The following COA1 variants were observed in gnomAD, a reference collection of about 807,000 sequenced individuals.
The protein encoded by COA1 is cytochrome c oxidase assembly factor 1 homolog.
A neutral mutation model predicts 16.0 loss-of-function variants in COA1; 13 were observed. The ratio of observed to expected loss-of-function variants is 0.81; its 90% CI spans 0.53 to 1.29. The LOEUF is 1.29. COA1 is among the 50% of genes most tolerant of loss of function. The pLI, the probability that COA1 is intolerant of heterozygous loss-of-function variation, is 0.00. For synonymous variants in COA1, 65 were observed against 65.7 expected (o/e 0.99, Z 0.05); for missense variants, 179 against 177.0 (o/e 1.01, Z -0.06).
intron 1 of COA1, among the ~76,000 whole-genome samples, chr7:43,712,120 C>CT (rs567779864): frequency 0.015 from 2,169 of 149,288 alleles, 29 homozygotes; most frequent in South Asian, 0.027. Context: ...GAAAAAGAAA[C>CT]TTTTTTTTTT....
At chr7:43,634,190 G>T (rs1418333426) in intron 6 of COA1, among the ~76,000 whole-genome samples, 1 of 151,882 alleles carries the variant, frequency 6.6e-6, no homozygotes, top group East Asian at 1.9e-4. Flanking sequence ...CTTGGTGTTG[G>T]TGTCTGTTAA....
intron 1 of COA1, among the ~76,000 whole-genome samples, chr7:43,691,928 G>C (rs543601303): frequency 6.6e-6 from 1 of 152,174 alleles, no homozygotes; most frequent in Non-Finnish European, 1.5e-5. Flanking sequence ...ATCTGCCCAG[G>C]TGTCCAGGAG....
At chr7:43,694,865 C>T (rs574323340) in intron 1 of COA1, among the ~76,000 whole-genome samples, 2 of 152,352 alleles carry the variant, frequency 1.3e-5, no homozygotes, top group East Asian at 3.9e-4. Flanking sequence ...GCACCTGGAA[C>T]TTGGTTGTTC....
chr7:43,646,084 G>A (rs1329202858), intron 3 of COA1: 1 of 154,656 alleles, frequency 6.5e-6, no homozygotes, highest in Non-Finnish European at 1.4e-5. Flanking sequence ...AGGGAGCAGA[G>A]GCAGGCTTCC....
At chr7:43,625,443 G>A (rs1163763696) in intron 6 of COA1, 1 of 152,164 alleles carries the variant, frequency 6.6e-6, no homozygotes, top group Non-Finnish European at 1.5e-5. Flanking sequence ...TAACATATCA[G>A]TGAAAAACCC....
intron 1 of COA1, among the ~76,000 whole-genome samples, chr7:43,700,529 GATAT>G (rs142644587): frequency 0.15 from 21,611 of 142,598 alleles, 2,160 homozygotes; most frequent in Non-Finnish European, 0.22. Flanking sequence ...AATGTAGGCA[GATAT>G]ATATATATAT....
At chr7:43,649,810 G>A (rs1032100051) in intron 1 of COA1, 1 of 152,268 alleles carries the variant, frequency 6.6e-6, no homozygotes, top group South Asian at 2.1e-4. Flanking sequence ...GGGGATGGTT[G>A]TCTTTTTCTA....
intron 1 of COA1, among the ~76,000 whole-genome samples, chr7:43,722,085 T>C (rs1366426414): frequency 7.8e-6 from 1 of 127,944 alleles, no homozygotes. Flanking sequence ...CCGTTGATTC[T>C]GGTAACTTTT....
At chr7:43,633,005 A>G (rs1023168158) in intron 6 of COA1, 3 of 152,220 alleles carry the variant, frequency 2.0e-5, no homozygotes, top group African/African-American at 7.2e-5. Context: ...ATAGTCAATG[A>G]GCATTGGCTT....
chr7:43,628,165 T>C (rs1407067347), intron 6 of COA1, among the ~76,000 whole-genome samples: 1 of 152,132 alleles, frequency 6.6e-6, no homozygotes, highest in Admixed American at 6.5e-5. Flanking sequence ...TTTTGTATTT[T>C]TTTTTTAGTA....
intron 1 of COA1, among the ~76,000 whole-genome samples, chr7:43,712,712 T>C (rs1401249672): frequency 6.6e-6 from 1 of 152,206 alleles, no homozygotes; most frequent in African/African-American, 2.4e-5. Context: ...TATCTGCAAC[T>C]CAACTGTATA....
At chr7:43,618,722 G>T (rs1486751440) in intron 6 of COA1, among the ~76,000 whole-genome samples, 1 of 152,044 alleles carries the variant, frequency 6.6e-6, no homozygotes, top group Non-Finnish European at 1.5e-5. Context: ...TTTCCACTGG[G>T]TAAAAATGAC....
At chr7:43,685,695 G>A (rs114830398) in intron 1 of COA1, among the ~76,000 whole-genome samples, 247 of 152,240 alleles carry the variant, frequency 1.6e-3, no homozygotes, top group African/African-American at 5.6e-3. Flanking sequence ...CAGAATCAGA[G>A]TCCTGGAACA....
intron 1 of COA1, among the ~76,000 whole-genome samples, chr7:43,701,262 T>C (rs904000635): frequency 1.3e-5 from 2 of 152,118 alleles, no homozygotes; most frequent in African/African-American, 4.8e-5. Flanking sequence ...CCTCCCACTC[T>C]CCATCCTCAA....
intron 1 of COA1, among the ~76,000 whole-genome samples, chr7:43,703,502 T>A (rs1489253932): frequency 6.6e-6 from 1 of 152,244 alleles, no homozygotes; most frequent in Non-Finnish European, 1.5e-5. Flanking sequence ...GTTTTATGAA[T>A]CTGGGTGCTC....
chr7:43,653,977 A>G (rs1010306874), intron 1 of COA1, among the ~76,000 whole-genome samples: 1 of 152,208 alleles, frequency 6.6e-6, no homozygotes, highest in Non-Finnish European at 1.5e-5. Flanking sequence ...TACACACAAG[A>G]AAAGACAGAA....
chr7:43,684,980 A>G (rs2093950978), intron 1 of COA1, among the ~76,000 whole-genome samples: 1 of 152,112 alleles, frequency 6.6e-6, no homozygotes, highest in African/African-American at 2.4e-5. Flanking sequence ...TAGTTTTTCT[A>G]GCAGTGAAAA....
chr7:43,623,967 TCTTG>T, intron 6 of COA1: 3 of 1,057,986 alleles, frequency 2.8e-6, no homozygotes, highest in Non-Finnish European at 2.5e-6. Context: ...GACAGTTTTT[TCTTG>T]AATCTCCTCC....
chr7:43,661,624 G>A lies in COA1; in HGVS notation c.-38-12972C>T, dbSNP rs1362080687. Among the ~76,000 whole-genome samples, 7 of 136,906 alleles carry A rather than the reference G, an allele frequency of 5.1e-5. 1 individual carries two copies. Among genetic ancestry groups the A allele is most frequent in the South Asian group, 2.5e-4 (1 of 4,000 alleles). 89.8% of individuals were successfully genotyped at this position (136,906 alleles called of 152,430 possible). ...CGCACTCCAGCCTGGGCGATAGAGC[G>A]AGACTCCATCTCAAAAAAAAAAAAA... On this transcript the variant is annotated intron_variant, in intron 1 of 5. Coordinates refer to ENST00000223336, the MANE Select transcript of COA1 (RefSeq NM_018224.4).
Sources: allele counts gnomAD v4.1 joint callset (sites outside exome capture counted in the v4.1 genomes callset), GRCh38; gene constraint gnomAD v4.1.1; transcripts MANE v1.5; gene names NCBI Gene and HGNC (gene_info 2026-07-23, HGNC 2026-07-21).